The following POTEH variants were observed in gnomAD, a reference collection of about 807,000 sequenced individuals.
POTEH encodes POTE ankyrin domain family member H.
In POTEH, 6 loss-of-function variants were observed where a neutral mutation model predicts 41.7. The ratio of observed to expected loss-of-function variants is 0.14; its 90% CI spans 0.08 to 0.28. POTEH has a LOEUF of 0.28. Among genes scored for constraint, POTEH ranks in the 10% least tolerant of loss-of-function variants. The probability of loss-of-function intolerance (pLI) is 1.00; values close to 1 mark genes in which losing one functional copy is unlikely to be tolerated. For synonymous variants in POTEH, 38 were observed against 179.9 expected, an observed-to-expected ratio of 0.21 and a Z score of 6.31; for missense variants, 115 against 533.5, an observed-to-expected ratio of 0.22 and a Z score of 7.73.
rs200248758 is a variant in POTEH at position 15,706,735 on chromosome 22, C to T, written c.1238-1285C>T. On this transcript the variant is annotated intron_variant, in intron 6 of 10. Transcript: ENST00000343518. ...CTTTCATAATCTGACTTCTGCCCCA[C>T]TCTCCATCTTTAGCCCTTTTCCCTG... 1.3e-4 allele frequency among the ~76,000 whole-genome samples: 20 copies of T among 152,260 alleles called. No individual in the cohort carries two copies. The East Asian group carries it at 2.9e-3, about 22-fold the overall frequency.
At chr22:15,692,050 G>A (rs1361236742) in intron 1 of POTEH, among the ~76,000 whole-genome samples, 1 of 138,334 alleles carries the variant, frequency 7.2e-6, no homozygotes, top group African/African-American at 2.6e-5. Context: ...CTGTTGCCCA[G>A]GCTGGAGTGC....
rs978479283 is a variant in POTEH at position 15,691,368 on chromosome 22, T to TA, written c.632+667dup. Among the ~76,000 whole-genome samples, 24 of 126,952 alleles carry TA rather than the reference T, an allele frequency of 1.9e-4. 1 individual carries two copies. The highest frequency in any genetic ancestry group is 4.2e-4 in the East Asian group (2 of 4,772). The allele number at this position is 126,952 out of a possible 152,430, so 83.3% of individuals were successfully genotyped here. A position where few individuals can be genotyped will look rare whatever the true frequency, so the allele number is the denominator to read the frequency against. ...GAAACCCCGTCTCTACTAAAAAATA[T>TA]AAAAAAAATTAGCTGGACGCGGTGG... is the stretch of plus-strand genomic sequence containing the variant. On this transcript the variant is annotated intron_variant, in intron 1 of 10. Coordinates refer to ENST00000343518, the MANE Select transcript of POTEH (RefSeq NM_001136213.1).
intron 1 of POTEH, among the ~76,000 whole-genome samples, chr22:15,691,384 G>T (rs1210365419): frequency 7.8e-6 from 1 of 127,474 alleles, no homozygotes; most frequent in African/African-American, 2.8e-5. Flanking sequence ...AAATTAGCTG[G>T]ACGCGGTGGC....
chr22:15,690,410 G>C lies in POTEH; in HGVS notation c.333G>C (p.Gly111=), dbSNP rs747982533. The C allele has an allele frequency of 7.1e-7, 1 of 1,401,158 alleles. No homozygotes were observed. The highest frequency in any genetic ancestry group is 9.8e-7 in the Non-Finnish European group (1 of 1,018,548). The allele number at this position is 1,401,158 out of a possible 1,614,324, so 86.8% of individuals were successfully genotyped here. Residue 111 remains glycine (G), a synonymous_variant, in exon 1 of 11, where the codon GGG becomes GGC. Transcript: ENST00000343518. ...GCCACTGCTTCCCCTGCTGCAGGGG[G>C]AGCGGCAAGAGCAACGTGGGCACTT... is the stretch of plus-strand genomic sequence containing the variant. ...WCCHCFPCCR[G]SGKSNVGTSG...
Position 15,690,389 on chromosome 22 carries a change from C to A in POTEH, c.312C>A (p.His104Gln), listed in dbSNP as rs539179754. The change falls in exon 1 of 11, where the codon CAC becomes CAA. Residue 104 changes from histidine (H) to glutamine (Q), a missense_variant. Transcript: ENST00000343518. The part of the protein sequence containing the change: ...LRSKMGKWCC[H>Q]CFPCCRGSGK... ...GCAAGATGGGCAAGTGGTGCTGCCA[C>A]TGCTTCCCCTGCTGCAGGGGGAGCG... 49 of 1,381,682 alleles carry A rather than the reference C, an allele frequency of 3.5e-5. 7 individuals carry two copies. The highest frequency in any genetic ancestry group is 4.9e-5 in the Non-Finnish European group (49 of 1,003,280). The allele number at this position is 1,381,682 out of a possible 1,614,324, so 85.6% of individuals were successfully genotyped here.
In POTEH at chr22:15,697,355, CTTT is replaced by C. The variant is rs752949267; in HGVS notation, c.922-1293_922-1291del. The C allele has an allele frequency of 6.8e-3, 524 of 77,494 alleles. 1 individual carries two copies. The highest frequency in any genetic ancestry group is 0.012 in the South Asian group (112 of 9,458). The allele number at this position is 77,494 out of a possible 1,614,324, so 4.8% of individuals were successfully genotyped here. A position where few individuals can be genotyped will look rare whatever the true frequency, so the allele number is the denominator to read the frequency against. On this transcript the variant is annotated intron_variant, in intron 3 of 10. Coordinates refer to ENST00000343518, the MANE Select transcript of POTEH (RefSeq NM_001136213.1). ...TTCCTTTCCAATAACATTAATCTGA[CTTT>C]TTTTTTTTTTTTTAGATTGAGTCTC...
intron 6 of POTEH, among the ~76,000 whole-genome samples, chr22:15,703,608 G>C (rs1330324336): frequency 6.9e-6 from 1 of 145,950 alleles, no homozygotes; most frequent in Non-Finnish European, 1.5e-5. Flanking sequence ...CCCAACTCTA[G>C]GCTCAGCAGA....
At chr22:15,714,079 A>T in intron 9 of POTEH, among the ~76,000 whole-genome samples, 1 of 151,898 alleles carries the variant, frequency 6.6e-6, no homozygotes, top group South Asian at 2.1e-4. Context: ...CTCTGCCAAA[A>T]ACCTCGGTGT....
rs1181614565 is a variant in POTEH, at chr22:15,690,909, CAA to C, written c.632+202_632+203del. ...AACAAAACTTTAGCTGATTTCCAAT[CAA>C]ATCATAATTTCCTTCCTAGAACACG... On this transcript the variant is annotated intron_variant, in intron 1 of 10. Coordinates refer to ENST00000343518, the MANE Select transcript of POTEH (RefSeq NM_001136213.1). 2.3e-5 allele frequency among the ~76,000 whole-genome samples: 3 copies of C among 130,086 alleles called. No individual in the cohort carries two copies. The East Asian group carries it at 6.1e-4, about 26-fold the overall frequency. 85.3% of individuals were successfully genotyped at this position (130,086 alleles called of 152,430 possible). A position where few individuals can be genotyped will look rare whatever the true frequency, so the allele number is the denominator to read the frequency against.
intron 3 of POTEH, among the ~76,000 whole-genome samples, chr22:15,697,185 CA>C (rs1747994896): frequency 1.4e-5 from 2 of 145,166 alleles, no homozygotes; most frequent in Admixed American, 6.9e-5. Context: ...ACAATAACAA[CA>C]GCAACAATTT....
At chr22:15,714,065 G>A (rs1385992238) in intron 9 of POTEH, among the ~76,000 whole-genome samples, 1 of 151,984 alleles carries the variant, frequency 6.6e-6, no homozygotes, top group African/African-American at 2.4e-5. Context: ...AACTCTTCCA[G>A]TTGCTCTGCC....
chr22:15,690,446 C>T lies in POTEH; in HGVS notation c.369C>T (p.His123=), dbSNP rs375881965. The T allele has an allele frequency of 4.9e-5, 69 of 1,409,796 alleles. 4 individuals are homozygous for T. The highest frequency in any genetic ancestry group is 3.9e-4 in the African/African-American group (25 of 64,722). The allele number at this position is 1,409,796 out of a possible 1,614,324, so 87.3% of individuals were successfully genotyped here. Residue 123 remains histidine, a synonymous_variant, in exon 1 of 11, where the codon CAC becomes CAT. Coordinates refer to ENST00000343518, the MANE Select transcript of POTEH (RefSeq NM_001136213.1). The part of the protein sequence containing the change: ...GKSNVGTSGD[H]DDSAMKTLRS... ...GCAACGTGGGCACTTCTGGAGACCA[C>T]GACGACTCTGCTATGAAGACACTCA...
chr22:15,713,484 T>A (rs61968779), intron 9 of POTEH, among the ~76,000 whole-genome samples: 8,543 of 122,912 alleles, frequency 0.07, no homozygotes, highest in Non-Finnish European at 0.12. Context: ...GGCTCAGTCC[T>A]CAATCTTCTT....
At chr22:15,690,759 A>C in intron 1 of POTEH, 50 bp downstream of exon 1, 1 of 1,391,690 alleles carries the variant, frequency 7.2e-7, no homozygotes, top group Non-Finnish European at 1.0e-6. Context: ...GATGATGGGG[A>C]CATACCCTCC....
chr22:15,693,352 C>A (rs1338613752), intron 1 of POTEH, among the ~76,000 whole-genome samples: 4 of 150,770 alleles, frequency 2.7e-5, no homozygotes, highest in African/African-American at 9.7e-5. Flanking sequence ...CAAATAATTT[C>A]TCACATTCTA....
chr22:15,713,549 G>A (rs1428131083), intron 9 of POTEH, among the ~76,000 whole-genome samples: 1 of 152,348 alleles, frequency 6.6e-6, no homozygotes, highest in South Asian at 2.1e-4. Flanking sequence ...CCCTAGGCTG[G>A]TGTTCATTGG....
Position 15,697,153 on chromosome 22 carries a change from CCT to C in POTEH, c.921+1336_921+1337del, listed in dbSNP as rs746304786. On this transcript the variant is annotated intron_variant, in intron 3 of 10. Coordinates refer to ENST00000343518, the MANE Select transcript of POTEH (RefSeq NM_001136213.1). ...TCTAGCCTTGTCAACATAATGAGCCCCTGTCTCTAAAAACGACAGCAACAATA... is the reference window on the plus strand; with the variant it reads ...TCTAGCCTTGTCAACATAATGAGCCCGTCTCTAAAAACGACAGCAACAATA... Among the ~76,000 whole-genome samples, 44 of 146,162 alleles carry C rather than the reference CCT, an allele frequency of 3.0e-4. 1 individual carries two copies. The highest frequency in any genetic ancestry group is 3.4e-3 in the Middle Eastern group (1 of 290).
At chr22:15,714,286 A>G (rs1461303068) in intron 9 of POTEH, among the ~76,000 whole-genome samples, 1 of 152,318 alleles carries the variant, frequency 6.6e-6, no homozygotes, top group Non-Finnish European at 1.5e-5. Context: ...CCTTTCATCA[A>G]TTCTTAACTC....
chr22:15,703,863 CAACAGAATTTACAA>C (rs1191608369), intron 6 of POTEH, among the ~76,000 whole-genome samples: 3 of 140,112 alleles, frequency 2.1e-5, no homozygotes, highest in Admixed American at 1.5e-4. Flanking sequence ...TGTGCTTTTT[CAACAGAATTTACAA>C]AGAAAACATT....
Sources: allele counts gnomAD v4.1 joint callset (sites outside exome capture counted in the v4.1 genomes callset), GRCh38; gene constraint gnomAD v4.1.1; transcripts MANE v1.5; gene names NCBI Gene and HGNC (gene_info 2026-07-23, HGNC 2026-07-21).